OR13A1: variants seen among roughly 807,000 people sequenced by gnomAD.
The protein encoded by OR13A1 is olfactory receptor 13A1.
OR13A1 carries 10 observed loss-of-function variants against 7.5 expected under a neutral mutation model. The observed-to-expected ratio is 1.34, with a 90% CI of 0.83 to 2.27. The LOEUF is 2.27. Ranked by LOEUF, OR13A1 falls within the 30% of genes most tolerant of loss-of-function variation. OR13A1 has a pLI of 0.00. For synonymous variants in OR13A1, 238 were observed against 177.9 expected (o/e 1.34, Z -2.69); for missense variants, 509 against 419.1 (o/e 1.21, Z -1.87).
At chr10:45,310,228 C>G (rs1010072543) in intron 1 of OR13A1, among the ~76,000 whole-genome samples, 1 of 152,132 alleles carries the variant, frequency 6.6e-6, no homozygotes, top group Non-Finnish European at 1.5e-5. Flanking sequence ...ATGAAGAGAC[C>G]TAAATATATA....
intron 1 of OR13A1, chr10:45,308,645 T>C (rs1838383406): frequency 6.6e-6 from 1 of 152,228 alleles, no homozygotes; most frequent in Non-Finnish European, 1.5e-5. Context: ...GACAGAGTTA[T>C]GAGTAGAACT....
Position 45,304,269 on chromosome 10 carries a change from G to A in OR13A1, c.154C>T (p.Leu52Phe). 1 of 1,614,176 alleles carries A rather than the reference G, an allele frequency of 6.2e-7. No individual in the cohort carries two copies. Among genetic ancestry groups the A allele is most frequent in the Non-Finnish European group, 8.5e-7 (1 of 1,180,038 alleles). ...RVFLFSCFLF[L>F]YSGALTGNVL... ...TTACCTGTGAGGGCCCCAGAGTAGA[G>A]GAAGAGGAAACAGCTGAATAAGAAC... Residue 52 changes from leucine (L) to phenylalanine (F), a missense_variant, in exon 4 of 4, where the codon CTC (leucine) becomes TTC (phenylalanine). By Grantham distance (22) the Leu-to-Phe change is conservative. Coordinates refer to ENST00000553795, the MANE Select transcript of OR13A1 (RefSeq NM_001004297.3).
At position 45,302,956 on chromosome 10, in the gene OR13A1, G is replaced by C. The variant is rs1364442436; in HGVS notation, c.*480C>G. The C allele has an allele frequency of 6.5e-6, 1 of 154,394 alleles. No homozygotes were observed. The highest frequency in any genetic ancestry group is 1.4e-5 in the Non-Finnish European group (1 of 69,700). 9.6% of individuals were successfully genotyped at this position (154,394 alleles called of 1,614,324 possible). The stretch of plus-strand genomic sequence containing the variant: ...CAGTTGAGGTAAGATAATGGGGGTA[G>C]AAGGTTTCCTAGAGGCCAGTGGTCA... On this transcript the variant is annotated 3_prime_UTR_variant, in exon 4 of 4. Transcript: ENST00000553795.
intron 1 of OR13A1, among the ~76,000 whole-genome samples, chr10:45,308,037 A>G (rs1380540907): frequency 1.3e-5 from 2 of 152,238 alleles, no homozygotes; most frequent in Non-Finnish European, 2.9e-5. Context: ...TTAATAATGG[A>G]GAACTTGACT....
Position 45,308,197 on chromosome 10 carries a change from G to A in OR13A1, c.-224-389C>T, listed in dbSNP as rs146518412. On this transcript the variant is annotated intron_variant, in intron 1 of 3. Coordinates refer to ENST00000553795, the MANE Select transcript of OR13A1 (RefSeq NM_001004297.3). ...CTAAAAATCAGAACATGCCAGAATC[G>A]CATATGTTCAGGGTCAAATCTGAAA... is the stretch of plus-strand genomic sequence containing the variant. 6.3e-3 allele frequency among the ~76,000 whole-genome samples: 957 copies of A among 152,282 alleles called. 4 individuals are homozygous for A. The highest frequency in any genetic ancestry group is 7.7e-3 in the Admixed American group (118 of 15,304).
intron 1 of OR13A1, 60 bp downstream of exon 1, chr10:45,315,464 G>A (rs535597553): frequency 6.6e-6 from 1 of 152,006 alleles, no homozygotes; most frequent in African/African-American, 2.4e-5. Flanking sequence ...CAGCAAACTA[G>A]GAATAGAAGG....
intron 3 of OR13A1, 134 bp downstream of exon 3, chr10:45,307,292 T>A (rs995375113): frequency 2.0e-5 from 3 of 152,236 alleles, no homozygotes; most frequent in Non-Finnish European, 4.4e-5. Context: ...ACAATCTCTC[T>A]CTTAGCTCCA....
At chr10:45,313,385 T>C (rs1838475197) in intron 1 of OR13A1, among the ~76,000 whole-genome samples, 1 of 151,850 alleles carries the variant, frequency 6.6e-6, no homozygotes, top group Non-Finnish European at 1.5e-5. Flanking sequence ...AAACAAAATT[T>C]ACAAAACATA....
At chr10:45,308,800 G>A (rs2133042507) in intron 1 of OR13A1, 1 of 152,292 alleles carries the variant, frequency 6.6e-6, no homozygotes, top group East Asian at 1.9e-4. Flanking sequence ...GTAGAAACAT[G>A]GTGACATTGA....
chr10:45,305,893 C>T (rs549951470), intron 3 of OR13A1, among the ~76,000 whole-genome samples: 2 of 152,302 alleles, frequency 1.3e-5, no homozygotes, highest in South Asian at 2.1e-4. Flanking sequence ...ACACGTCACT[C>T]CTTGATCAGG....
chr10:45,303,725 A>T lies in OR13A1; in HGVS notation c.698T>A (p.Ile233Asn). Residue 233 changes from isoleucine to asparagine, a missense_variant, in exon 4 of 4, where the codon ATC (isoleucine) becomes AAC (asparagine). Coordinates refer to ENST00000553795, the MANE Select transcript of OR13A1 (RefSeq NM_001004297.3). Reference sequence around the variant, plus strand: ...GGAGACGATGAAGCCATAGGACGCGATGGTCATCAGGAAGTTCACTATGCC... The same window carrying T: ...GGAGACGATGAAGCCATAGGACGCGTTGGTCATCAGGAAGTTCACTATGCC... ...FYGIVNFLMT[I>N]ASYGFIVSSI... is the part of the protein sequence containing the mutation. 6.2e-7 allele frequency: 1 copy of T among 1,614,232 alleles called. No individual in the cohort carries two copies. Among genetic ancestry groups the T allele is most frequent in the South Asian group, 1.1e-5 (1 of 91,082 alleles).
chr10:45,304,452 A>T lies in OR13A1; in HGVS notation c.-12-18T>A. 6.3e-7 allele frequency: 1 copy of T among 1,582,420 alleles called. No homozygotes were observed. Among genetic ancestry groups the T allele is most frequent in the Non-Finnish European group, 8.6e-7 (1 of 1,164,622 alleles). ...TTTCAGAGCTAGAGAGATAAACAAG[A>T]GGTGTCCTGAGGAAGGCTGCTCCCG... is the stretch of plus-strand genomic sequence containing the variant. On this transcript the variant is annotated intron_variant, in intron 3 of 3. Transcript: ENST00000553795.
chr10:45,304,526 G>A lies in OR13A1; in HGVS notation c.-12-92C>T, dbSNP rs556908006. 6.6e-5 allele frequency: 71 copies of A among 1,083,776 alleles called. 3 individuals are homozygous for A. The Middle Eastern group carries it at 9.3e-4, about 14-fold the overall frequency. 67.1% of individuals were successfully genotyped at this position (1,083,776 alleles called of 1,614,324 possible). On this transcript the variant is annotated intron_variant, in intron 3 of 3. Transcript: ENST00000553795. ...CTGCATGAAAGATAGAGATGCATTA[G>A]GGCATATTGATTAAGATAAACACCC... is the stretch of plus-strand genomic sequence containing the variant.
chr10:45,304,674 C>T (rs1838291630), intron 3 of OR13A1, among the ~76,000 whole-genome samples: 1 of 152,182 alleles, frequency 6.6e-6, no homozygotes, highest in Non-Finnish European at 1.5e-5. Flanking sequence ...ATGATCTAGT[C>T]TTCATCATCC....
intron 1 of OR13A1, among the ~76,000 whole-genome samples, chr10:45,311,685 G>T (rs531287843): frequency 1.4e-4 from 21 of 152,222 alleles, no homozygotes; most frequent in Non-Finnish European, 2.5e-4. Flanking sequence ...CCTACTTGAA[G>T]TTGGAGGGTA....
intron 1 of OR13A1, among the ~76,000 whole-genome samples, chr10:45,314,514 GA>G (rs529835071): frequency 1.4e-5 from 2 of 148,140 alleles, no homozygotes; most frequent in Admixed American, 6.7e-5. Context: ...AACTAGGAGA[GA>G]AAAAAAACTA....
At position 45,304,086 on chromosome 10, in the gene OR13A1, CG is replaced by C; in HGVS notation, c.336del (p.Tyr112Ter). 1 of 1,613,956 alleles carries C rather than the reference CG, an allele frequency of 6.2e-7. No homozygotes were observed. Among genetic ancestry groups the C allele is most frequent in the Non-Finnish European group, 8.5e-7 (1 of 1,179,926 alleles). On this transcript the variant is annotated frameshift_variant, in exon 4 of 4. Transcript: ENST00000553795. LOFTEE classifies it high-confidence loss of function. ...AAATAGAGCTGGGCCATGCAGCCCC[CG>C]TAGGAGATGGAGCTCTCTTCCGACA... ...SLVSEESSIS[Y>X]GGCMAQLYFL...
intron 1 of OR13A1, among the ~76,000 whole-genome samples, chr10:45,313,604 G>A (rs1002541280): frequency 3.3e-5 from 5 of 151,778 alleles, no homozygotes; most frequent in African/African-American, 1.2e-4. Flanking sequence ...GTAAATAAAA[G>A]CAAGCAGAAG....
intron 3 of OR13A1, among the ~76,000 whole-genome samples, chr10:45,304,994 G>A (rs1391580461): frequency 1.3e-5 from 2 of 152,134 alleles, no homozygotes; most frequent in African/African-American, 4.8e-5. Flanking sequence ...ACTTTGGGAG[G>A]CCGAGGCAGG....
Sources: allele counts gnomAD v4.1 joint callset (sites outside exome capture counted in the v4.1 genomes callset), GRCh38; gene constraint gnomAD v4.1.1; transcripts MANE v1.5; gene names NCBI Gene and HGNC (gene_info 2026-07-23, HGNC 2026-07-21).